GPR179: variants seen among roughly 807,000 people sequenced by gnomAD.
GPR179 encodes the protein G protein-coupled receptor 179.
A neutral mutation model predicts 70.8 loss-of-function variants in GPR179; 52 were observed. That is an observed-to-expected ratio of 0.73 (90% confidence interval 0.59 to 0.93). The LOEUF is 0.93. Among genes scored for constraint, GPR179 ranks in the 40% least tolerant of loss-of-function variants. The pLI, the probability that GPR179 is intolerant of heterozygous loss-of-function variation, is 0.00. For synonymous variants in GPR179, 1,123 were observed against 1,169.0 expected (o/e 0.96, Z 0.80); for missense variants, 2,734 against 2,966.8 (o/e 0.92, Z 1.82).
rs1396500794 is a variant in GPR179, at chr17:38,339,537, A to G, written c.795-12T>C. ...TCTGCACCTGCCCCCTACGGCAGTG[A>G]ATTGGCAATTAGGGGCACAGTGATT... On this transcript the variant is annotated splice_polypyrimidine_tract_variant and intron_variant, in intron 1 of 10. Coordinates refer to ENST00000616987, the MANE Select transcript of GPR179 (RefSeq NM_001004334.4). 3.8e-6 allele frequency: 6 copies of G among 1,593,078 alleles called. No individual in the cohort carries two copies. The highest frequency in any genetic ancestry group is 5.2e-6 in the Non-Finnish European group (6 of 1,161,084).
Position 38,330,338 on chromosome 17 carries a change from G to A in GPR179, c.3231C>T (p.Ala1077=), listed in dbSNP as rs760754967. ...TGCGCATGGAACCCTGCTGAACAGG[G>A]GCCTTGAGGCTGTGGGATTTAGGGA... ...KIFPKSHSLK[A]PVQQGSMRSL... Residue 1077 remains alanine (A), a synonymous_variant, in exon 11 of 11, where the codon GCC becomes GCT. Transcript: ENST00000616987. The A allele has an allele frequency of 1.7e-5, 28 of 1,613,888 alleles. No homozygotes were observed. Among genetic ancestry groups the A allele is most frequent in the Non-Finnish European group, 2.3e-5 (27 of 1,179,970 alleles).
rs1397228171 is a variant in GPR179, at chr17:38,330,880, C to A, written c.2689G>T (p.Ala897Ser). 3.1e-6 allele frequency: 5 copies of A among 1,599,602 alleles called. No individual in the cohort carries two copies. The highest frequency in any genetic ancestry group is 1.7e-5 in the Admixed American group (1 of 57,702). ...SARRLERPRG[A>S]PLSAPPSPAK... is the part of the protein sequence containing the mutation. ...GGGGAAGGTGGAGCTGACAGGGGGGCCCCTCGAGGCCGCTCCAGCCTCCTG... is the reference window on the plus strand; with the variant it reads ...GGGGAAGGTGGAGCTGACAGGGGGGACCCTCGAGGCCGCTCCAGCCTCCTG... Residue 897 changes from alanine to serine, a missense_variant, in exon 11 of 11, where the codon GCC (alanine) becomes TCC (serine). Coordinates refer to ENST00000616987, the MANE Select transcript of GPR179 (RefSeq NM_001004334.4).
chr17:38,329,241 A>G lies in GPR179; in HGVS notation c.4328T>C (p.Ile1443Thr), dbSNP rs747626287. 5.0e-6 allele frequency: 8 copies of G among 1,613,712 alleles called. No individual in the cohort carries two copies. The Admixed American group carries it at 1.2e-4, about 24-fold the overall frequency. ...ACACTCTGAGCTTCCTGGGGCCTGA[A>G]TTGAGACTGCTGAGGGGCCCCGGAA... ...TDFRGPSAVS[I>T]QAPGSSECSG... Residue 1443 changes from isoleucine (I) to threonine (T), a missense_variant, in exon 11 of 11, where the codon ATT (isoleucine) becomes ACT (threonine). Coordinates refer to ENST00000616987, the MANE Select transcript of GPR179 (RefSeq NM_001004334.4).
At position 38,328,579 on chromosome 17, in the gene GPR179, G is replaced by T; in HGVS notation, c.4990C>A (p.Arg1664Ser). The change falls in exon 11 of 11, where the codon CGT becomes AGT. Residue 1664 changes from arginine (R) to serine (S), a missense_variant. Transcript: ENST00000616987. ...VDPGSFSPQP[R>S]PQDTERPQTL... ...TGGGGTCTCTCTGTGTCTTGAGGAC[G>T]TGGTTGTGGGGAGAAGCTGCCAGGG... The T allele has an allele frequency of 6.2e-7, 1 of 1,614,122 alleles. No homozygotes were observed.
intron 1 of GPR179, among the ~76,000 whole-genome samples, chr17:38,342,513 A>G (rs2037457791): frequency 6.6e-6 from 1 of 151,824 alleles, no homozygotes; most frequent in African/African-American, 2.4e-5. Context: ...CTAATTTTGT[A>G]TTTTTAGTAG....
chr17:38,327,962 T>A lies in GPR179; in HGVS notation c.5607A>T (p.Gln1869His). ...TCTCCCAAATACAAATAGTTTCCTG[T>A]TGTTGACACAGTTTTGCCATCCCTT... Reference protein sequence around the residue: ...VSKGMAKLCQQQETICIWENK... With the variant: ...VSKGMAKLCQHQETICIWENK... Residue 1869 changes from glutamine (Q) to histidine (H), a missense_variant, in exon 11 of 11, where the codon CAA (glutamine) becomes CAT (histidine). Coordinates refer to ENST00000616987, the MANE Select transcript of GPR179 (RefSeq NM_001004334.4). 6.2e-7 allele frequency: 1 copy of A among 1,614,202 alleles called. No individual in the cohort carries two copies. The highest frequency in any genetic ancestry group is 8.5e-7 in the Non-Finnish European group (1 of 1,180,034).
In GPR179 at chr17:38,333,925, G is replaced by A; in HGVS notation, c.1890+8C>T. On this transcript the variant is annotated splice_region_variant and intron_variant, in intron 9 of 10. Coordinates refer to ENST00000616987, the MANE Select transcript of GPR179 (RefSeq NM_001004334.4). ...GTCCACCTCACAGGCAGGAGGGGAG[G>A]GCCTCACCTTAGGGATGAAGATCAG... 1 of 1,603,134 alleles carries A rather than the reference G, an allele frequency of 6.2e-7. No individual in the cohort carries two copies. Among genetic ancestry groups the A allele is most frequent in the Middle Eastern group, 1.7e-4 (1 of 5,918 alleles).
Position 38,343,246 on chromosome 17 carries a change from A to T in GPR179, c.544T>A (p.Trp182Arg). The change falls in exon 1 of 11, where the codon TGG (tryptophan) becomes AGG (arginine). Residue 182 changes from tryptophan (W) to arginine (R), a missense_variant. Coordinates refer to ENST00000616987, the MANE Select transcript of GPR179 (RefSeq NM_001004334.4). The surrounding 1 kb of genome is among the most constrained non-coding windows in gnomAD (Gnocchi z 4.2). Reference protein sequence around the residue: ...ETILQDLSGNWVQEENPPGDL... With the variant: ...ETILQDLSGNRVQEENPPGDL... Reference sequence around the variant, plus strand: ...CCAGGAGGGTTCTCCTCCTGCACCCAGTTCCCAGACAAGTCCTGCAGGATG... The same window carrying T: ...CCAGGAGGGTTCTCCTCCTGCACCCTGTTCCCAGACAAGTCCTGCAGGATG... The T allele has an allele frequency of 6.2e-7, 1 of 1,614,136 alleles. No individual in the cohort carries two copies. The highest frequency in any genetic ancestry group is 1.1e-5 in the South Asian group (1 of 91,088).
chr17:38,338,770 G>A (rs978128352), intron 2 of GPR179, among the ~76,000 whole-genome samples: 2 of 152,190 alleles, frequency 1.3e-5, no homozygotes, highest in African/African-American at 2.4e-5. Context: ...ACCATGGAGC[G>A]GGTGAATTCA....
At chr17:38,340,408 C>T (rs1416332846) in intron 1 of GPR179, among the ~76,000 whole-genome samples, 1 of 152,228 alleles carries the variant, frequency 6.6e-6, no homozygotes, top group Non-Finnish European at 1.5e-5. Context: ...TCCCAAGTAG[C>T]TGGGACTACA....
Position 38,330,583 on chromosome 17 carries a change from C to T in GPR179, c.2986G>A (p.Glu996Lys), listed in dbSNP as rs2037345104. 1 of 1,580,794 alleles carries T rather than the reference C, an allele frequency of 6.3e-7. No homozygotes were observed. Among genetic ancestry groups the T allele is most frequent in the African/African-American group, 1.4e-5 (1 of 73,932 alleles). ...PNLLTYICPW[E>K]NAELPAKQEN... is the part of the protein sequence containing the mutation. ...TGCTTGGCTGGCAGTTCTGCGTTCTCCCAGGGGCAGATGTAGGTGAGTAAG... is the reference window on the plus strand; with the variant it reads ...TGCTTGGCTGGCAGTTCTGCGTTCTTCCAGGGGCAGATGTAGGTGAGTAAG... The change falls in exon 11 of 11, where the codon GAG becomes AAG. Residue 996 changes from glutamate (E) to lysine (K), a missense_variant. Coordinates refer to ENST00000616987, the MANE Select transcript of GPR179 (RefSeq NM_001004334.4).
Position 38,339,534 on chromosome 17 carries a change from G to C in GPR179, c.795-9C>G. 6.2e-7 allele frequency: 1 copy of C among 1,602,450 alleles called. No individual in the cohort carries two copies. Among genetic ancestry groups the C allele is most frequent in the Non-Finnish European group, 8.6e-7 (1 of 1,169,504 alleles). On this transcript the variant is annotated splice_polypyrimidine_tract_variant and intron_variant, in intron 1 of 10. Coordinates refer to ENST00000616987, the MANE Select transcript of GPR179 (RefSeq NM_001004334.4). Reference sequence around the variant, plus strand: ...CCATCTGCACCTGCCCCCTACGGCAGTGAATTGGCAATTAGGGGCACAGTG... The same window carrying C: ...CCATCTGCACCTGCCCCCTACGGCACTGAATTGGCAATTAGGGGCACAGTG...
In GPR179 at chr17:38,327,037, C is replaced by T. The variant is rs555500617; in HGVS notation, c.6532G>A (p.Glu2178Lys). ...TCCCCAGGGCAGACTGCCTCCTGCT[C>T]TCTGGGCTTTGCTGCTGCTTTTGAG... is the stretch of plus-strand genomic sequence containing the variant. ...HFSKAAAKPR[E>K]QEAVCPGEGT... Residue 2178 changes from glutamate (E) to lysine (K), a missense_variant, in exon 11 of 11, where the codon GAG becomes AAG. Glu to Lys is a moderately conservative substitution (Grantham distance 56). Transcript: ENST00000616987. 3 of 1,614,222 alleles carry T rather than the reference C, an allele frequency of 1.9e-6. No individual in the cohort carries two copies. The highest frequency in any genetic ancestry group is 1.1e-5 in the South Asian group (1 of 91,092).
Position 38,327,631 on chromosome 17 carries a change from G to A in GPR179, c.5938C>T (p.Pro1980Ser), listed in dbSNP as rs2037301126. Residue 1980 changes from proline (P) to serine (S), a missense_variant, in exon 11 of 11, where the codon CCT (proline) becomes TCT (serine). By Grantham distance (74) the Pro-to-Ser change is moderately conservative. Transcript: ENST00000616987. ...ACCAGTCTCTGGGAGCTAGCTTTAG[G>A]TTGGTCAGGGCGCTGTCTGTCTAGG... ...SHLDRQRPDQ[P>S]KASSQRLVST... 6.2e-7 allele frequency: 1 copy of A among 1,614,202 alleles called. No homozygotes were observed. The highest frequency in any genetic ancestry group is 1.3e-5 in the African/African-American group (1 of 75,038).
At chr17:38,341,632 G>A (rs1212204880) in intron 1 of GPR179, among the ~76,000 whole-genome samples, 2 of 152,192 alleles carry the variant, frequency 1.3e-5, no homozygotes, top group Non-Finnish European at 2.9e-5. Context: ...AGGCTCAGTC[G>A]CTGCTCCCTT....
rs927583250 is a variant in GPR179, at chr17:38,326,312, C to A, written c.*153G>T. ...GGGTCTAAGCTGTACCCTTTTCATG[C>A]AGTTTGTCTTTGGGATGGGTTGACT... is the stretch of plus-strand genomic sequence containing the variant. On this transcript the variant is annotated 3_prime_UTR_variant, in exon 11 of 11. Transcript: ENST00000616987. The A allele has an allele frequency of 1.2e-5, 7 of 607,864 alleles. No individual in the cohort carries two copies. Among genetic ancestry groups the A allele is most frequent in the Admixed American group, 2.9e-5 (1 of 33,956 alleles). 37.7% of individuals were successfully genotyped at this position (607,864 alleles called of 1,614,324 possible).
Position 38,337,022 on chromosome 17 carries a change from T to C in GPR179, c.1183A>G (p.Ile395Val). Residue 395 changes from isoleucine to valine, a missense_variant, in exon 4 of 11, where the codon ATC (isoleucine) becomes GTC (valine). By Grantham distance (29) the Ile-to-Val change is conservative. Transcript: ENST00000616987. Reference protein sequence around the residue: ...LACQACCMLAIFLSMLVSYRC... With the variant: ...LACQACCMLAVFLSMLVSYRC... ...TAGGAGACCAGCATGCTCAGGAAGA[T>C]GGCCAGCATGCAGCAGGCCTGGCAG... The C allele has an allele frequency of 6.2e-7, 1 of 1,608,070 alleles. No homozygotes were observed. Among genetic ancestry groups the C allele is most frequent in the Non-Finnish European group, 8.5e-7 (1 of 1,178,200 alleles).
In GPR179 at chr17:38,330,662, A is replaced by G. The variant is rs1446980371; in HGVS notation, c.2907T>C (p.Ala969=). 2.5e-6 allele frequency: 4 copies of G among 1,598,734 alleles called. No individual in the cohort carries two copies. The African/African-American group carries it at 5.4e-5, about 21-fold the overall frequency. Residue 969 remains alanine (A), a synonymous_variant, in exon 11 of 11, where the codon GCT becomes GCC. Coordinates refer to ENST00000616987, the MANE Select transcript of GPR179 (RefSeq NM_001004334.4). The part of the protein sequence containing the change: ...TLAPALLPAL[A]PTPAPALAPV... ...GTGCCAGGGCAGGGGCTGGGGTTGG[A>G]GCTAGAGCTGGCAGCAGAGCTGGAG...
chr17:38,330,111 A>AG lies in GPR179; in HGVS notation c.3457dup (p.Leu1153ProfsTer41). ...GGTGTGAGCGTTCTGTTGGTTCTGG[A>AG]GGGACTCCTTGTCATCGGAGGGGAT... On this transcript the variant is annotated frameshift_variant, in exon 11 of 11. Coordinates refer to ENST00000616987, the MANE Select transcript of GPR179 (RefSeq NM_001004334.4). LOFTEE classifies it low-confidence loss of function (END_TRUNC). The AG allele has an allele frequency of 6.2e-7, 1 of 1,611,002 alleles. No homozygotes were observed. Among genetic ancestry groups the AG allele is most frequent in the Non-Finnish European group, 8.5e-7 (1 of 1,178,212 alleles).
Sources: gnomAD v4.1 joint callset for allele counts (sites outside exome capture counted in the v4.1 genomes callset) on GRCh38, gnomAD v4.1.1 for gene constraint, Gnocchi (gnomAD v3.1) non-coding constraint, MANE v1.5 for transcripts, NCBI Gene and HGNC (gene_info 2026-07-23, HGNC 2026-07-21) for gene names.